The following RNF213 variants were observed in gnomAD, a reference collection of about 807,000 sequenced individuals.
RNF213 encodes E3 ubiquitin-protein ligase RNF213.
A neutral mutation model predicts 514.4 loss-of-function variants in RNF213; 341 were observed. The observed-to-expected ratio is 0.66, with a 90% CI of 0.61 to 0.73. The LOEUF is 0.73. RNF213 is among the 30% of genes least tolerant of loss of function. The pLI is 0.00. For missense variants in RNF213, 5,767 were observed against 6,615.6 expected (o/e 0.87, Z 4.45); for synonymous variants, 2,655 against 2,658.2 (o/e 1.00, Z 0.04).
chr17:80,353,833 G>C lies in RNF213; in HGVS notation c.10578+167G>C. ...TGACGGTCTTGTTGCTGGTTACTGG[G>C]GGTCAAGGGCATCTGCACCGGCAGT... is the stretch of plus-strand genomic sequence containing the variant. On this transcript the variant is annotated intron_variant, in intron 34 of 67. Coordinates refer to ENST00000582970, the MANE Select transcript of RNF213 (RefSeq NM_001256071.3). This position sits in a 1 kb window ranked among gnomAD's most constrained non-coding sequence, Gnocchi z 5.0. 4 of 1,208,520 alleles carry C rather than the reference G, an allele frequency of 3.3e-6. No homozygotes were observed. Among genetic ancestry groups the C allele is most frequent in the Non-Finnish European group, 4.8e-6 (4 of 836,334 alleles). The allele number at this position is 1,208,520 out of a possible 1,614,324, so 74.9% of individuals were successfully genotyped here. A position where few individuals can be genotyped will look rare whatever the true frequency, so the allele number is the denominator to read the frequency against.
rs1353754144 is a variant in RNF213 at position 80,288,439 on chromosome 17, G to A, written c.810+76G>A. 1.6e-5 allele frequency: 25 copies of A among 1,600,970 alleles called. No individual in the cohort carries two copies. Among genetic ancestry groups the A allele is most frequent in the South Asian group, 2.2e-5 (2 of 90,792 alleles). On this transcript the variant is annotated intron_variant, in intron 4 of 67. Coordinates refer to ENST00000582970, the MANE Select transcript of RNF213 (RefSeq NM_001256071.3). The surrounding 1 kb of genome is among the most constrained non-coding windows in gnomAD (Gnocchi z 4.9). ...CTGGGCTCTGCTGCAAGGTGCTGGC[G>A]TTGCTTCCCTGCCGGGGGGAGGGGC... is the stretch of plus-strand genomic sequence containing the variant.
chr17:80,272,257 C>T (rs753621678), intron 2 of RNF213, among the ~76,000 whole-genome samples: 1 of 152,118 alleles, frequency 6.6e-6, no homozygotes, highest in Non-Finnish European at 1.5e-5. Flanking sequence ...GCACTCCAGC[C>T]TGGGCGACAG....
At chr17:80,307,302 G>A in intron 13 of RNF213, 101 bp downstream of exon 13, 1 of 894,716 alleles carries the variant, frequency 1.1e-6, no homozygotes, top group Non-Finnish European at 1.9e-6. Context: ...TGTTGTAACA[G>A]CAAGGTCATA....
rs2079748667 is a variant in RNF213 at position 80,376,154 on chromosome 17, CTT to C, written c.13186-146_13186-145del. 5.6e-6 allele frequency: 5 copies of C among 888,470 alleles called. No homozygotes were observed. In the East Asian group the frequency reaches 7.5e-5, roughly 13 times the overall value. 55.0% of individuals were successfully genotyped at this position (888,470 alleles called of 1,614,324 possible). ...GCTGTGTTTGTATATGCACAATTCT[CTT>C]CTCTGAAAAATTTCCCCCTCAAATG... On this transcript the variant is annotated intron_variant, in intron 51 of 67. Transcript: ENST00000582970.
Position 80,344,827 on chromosome 17 carries a change from C to G in RNF213, c.6492C>G (p.Phe2164Leu). 1 of 1,614,156 alleles carries G rather than the reference C, an allele frequency of 6.2e-7. No individual in the cohort carries two copies. Among genetic ancestry groups the G allele is most frequent in the South Asian group, 1.1e-5 (1 of 91,074 alleles). Residue 2164 changes from phenylalanine (F) to leucine (L), a missense_variant, in exon 29 of 68, where the codon TTC becomes TTG. Phe to Leu is a conservative substitution (Grantham distance 22). Around this residue, in one of 13 missense-constraint regions of RNF213, gnomAD observed 1,377 missense variants for 1,635.2 expected, o/e 0.84. Transcript: ENST00000582970. ...TGTGGGAGTTCTGCAGCGAAACTTTCCAAAGACCTTACCAGTATTTAAGAC... is the reference window on the plus strand; with the variant it reads ...TGTGGGAGTTCTGCAGCGAAACTTTGCAAAGACCTTACCAGTATTTAAGAC... ...MDLWEFCSETFQRPYQYLRRF... is the reference protein window; with the variant it reads ...MDLWEFCSETLQRPYQYLRRF...
intron 42 of RNF213, among the ~76,000 whole-genome samples, chr17:80,366,421 A>T (rs1357083643): frequency 1.3e-5 from 2 of 151,636 alleles, no homozygotes. Flanking sequence ...TTACTATCTG[A>T]TTTTTTTCAT....
At chr17:80,381,798 G>C in intron 57 of RNF213, 71 bp downstream of exon 57, 1 of 1,400,418 alleles carries the variant, frequency 7.1e-7, no homozygotes, top group Non-Finnish European at 9.9e-7. Context: ...TCGCTGTCTT[G>C]TGGGCCACCC....
chr17:80,273,142 G>A (rs2043882705), intron 2 of RNF213, 99 bp from the exon 3 acceptor site: 1 of 1,491,874 alleles, frequency 6.7e-7, no homozygotes, highest in South Asian at 1.1e-5. Context: ...GGGAGAACAG[G>A]GTGAATCTCT....
chr17:80,386,778 T>C lies in RNF213; in HGVS notation c.14809T>C (p.Cys4937Arg). Reference sequence around the variant, plus strand: ...CCTGACTCCACTGATTCTCTCCAACTGCCAGTACCAGGTGGAGGAGGGCAG... The same window carrying C: ...CCTGACTCCACTGATTCTCTCCAACCGCCAGTACCAGGTGGAGGAGGGCAG... The part of the protein sequence containing the change: ...RDLTPLILSN[C>R]QYQVEEGRET... Residue 4937 changes from cysteine (C) to arginine (R), a missense_variant, in exon 63 of 68, where the codon TGC becomes CGC. Cys to Arg is a radical substitution (Grantham distance 180). This residue lies in a region of RNF213 where 1,245 missense variants were observed against 1,339.0 expected (regional missense o/e 0.93). Transcript: ENST00000582970. 6.2e-7 allele frequency: 1 copy of C among 1,614,204 alleles called. No homozygotes were observed. The highest frequency in any genetic ancestry group is 8.5e-7 in the Non-Finnish European group (1 of 1,180,034).
chr17:80,381,412 C>T (rs1483753632), intron 56 of RNF213, 135 bp from the exon 57 acceptor site: 7 of 892,594 alleles, frequency 7.8e-6, no homozygotes, highest in Admixed American at 3.6e-5. Context: ...TCACCTGGAT[C>T]ACTCCGCCGT....
chr17:80,381,323 CA>C, intron 56 of RNF213: 2 of 621,780 alleles, frequency 3.2e-6, no homozygotes, highest in East Asian at 5.7e-5. Context: ...CCAAGATGGC[CA>C]ACAGTACAAT....
chr17:80,387,484 C>T (rs953676761), intron 63 of RNF213, among the ~76,000 whole-genome samples: 1 of 152,234 alleles, frequency 6.6e-6, no homozygotes, highest in Non-Finnish European at 1.5e-5. Flanking sequence ...CCATGGGTAA[C>T]CTGCCAGCAG....
intron 8 of RNF213, among the ~76,000 whole-genome samples, chr17:80,294,255 T>G (rs368664404): frequency 1.3e-5 from 2 of 152,236 alleles, no homozygotes; most frequent in East Asian, 3.8e-4. Flanking sequence ...CTGGGCAGCC[T>G]GCACCTTCCT....
At chr17:80,366,868 A>G (rs1436456726) in intron 42 of RNF213, among the ~76,000 whole-genome samples, 1 of 152,226 alleles carries the variant, frequency 6.6e-6, no homozygotes, top group African/African-American at 2.4e-5. Flanking sequence ...CTATACCAAC[A>G]TCATGCCTGC....
At chr17:80,375,542 G>A (rs145638043) in intron 50 of RNF213, among the ~76,000 whole-genome samples, 7 of 146,450 alleles carry the variant, frequency 4.8e-5, no homozygotes, top group African/African-American at 5.1e-5. Flanking sequence ...TCTACTAAAA[G>A]AAAAAAAAAA....
chr17:80,387,684 A>C (rs1242150461), intron 63 of RNF213, among the ~76,000 whole-genome samples: 1 of 152,142 alleles, frequency 6.6e-6, no homozygotes, highest in African/African-American at 2.4e-5. Flanking sequence ...CTGGCCTCTC[A>C]TGGCATATGG....
At position 80,397,052 on chromosome 17, in the gene RNF213, G is replaced by C. The variant is rs2080680382; in HGVS notation, c.*3554G>C. On this transcript the variant is annotated 3_prime_UTR_variant, in exon 68 of 68. Transcript: ENST00000582970. ...TGATCACTGCTACCTGTGCCCTGAA[G>C]CGCAACAGAACCTCAACCCAGAGGA... 1 of 152,432 alleles carries C rather than the reference G, an allele frequency of 6.6e-6. No individual in the cohort carries two copies. Among genetic ancestry groups the C allele is most frequent in the Admixed American group, 6.5e-5 (1 of 15,290 alleles). The allele number at this position is 152,432 out of a possible 1,614,324, so 9.4% of individuals were successfully genotyped here. A position where few individuals can be genotyped will look rare whatever the true frequency, so the allele number is the denominator to read the frequency against.
At chr17:80,336,075 A>AG in intron 22 of RNF213, 86 bp from the exon 23 acceptor site, 1 of 1,075,630 alleles carries the variant, frequency 9.3e-7, no homozygotes, top group Non-Finnish European at 1.3e-6. Flanking sequence ...TATCCATTTC[A>AG]GCTTCAGTAA....
chr17:80,345,622 T>A lies in RNF213; in HGVS notation c.7287T>A (p.Leu2429=). ...MGETGCGKTR[L]IKFLSDLRRG... ...AAACTGGCTGTGGGAAAACCAGGCT[T>A]ATTAAATTCCTTAGCGACCTGCGGC... Residue 2429 remains leucine, a synonymous_variant, in exon 29 of 68, where the codon CTT becomes CTA. Coordinates refer to ENST00000582970, the MANE Select transcript of RNF213 (RefSeq NM_001256071.3). The surrounding 1 kb of genome is among the most constrained non-coding windows in gnomAD (Gnocchi z 6.0). 6.2e-7 allele frequency: 1 copy of A among 1,614,116 alleles called. No individual in the cohort carries two copies. Among genetic ancestry groups the A allele is most frequent in the Non-Finnish European group, 8.5e-7 (1 of 1,180,012 alleles).
Sources: gnomAD v4.1 joint callset for allele counts (sites outside exome capture counted in the v4.1 genomes callset) on GRCh38, gnomAD v4.1.1 for gene constraint, gnomAD v4.1.1 regional missense constraint, Gnocchi (gnomAD v3.1) non-coding constraint, MANE v1.5 for transcripts, NCBI Gene and HGNC (gene_info 2026-07-23, HGNC 2026-07-21) for gene names.